The following PCYT1B variants were observed in gnomAD, a reference collection of about 807,000 sequenced individuals.
PCYT1B encodes phosphate cytidylyltransferase 1B, choline.
A neutral mutation model predicts 26.4 loss-of-function variants in PCYT1B; 10 were observed. That is an observed-to-expected ratio of 0.38 (90% CI 0.23 to 0.64). The LOEUF is 0.64. PCYT1B is among the 30% of genes least tolerant of loss of function. PCYT1B has a pLI of 0.56. For missense variants in PCYT1B, 161 were observed against 292.7 expected, an observed-to-expected ratio of 0.55 and a Z score of 3.28; for synonymous variants, 131 against 108.4, an observed-to-expected ratio of 1.21 and a Z score of -1.29.
At chrX:24,672,566 T>C (rs1345838731) in intron 1 of PCYT1B, 1 of 1,199,667 alleles carries the variant, frequency 8.3e-7, no homozygotes, top group Non-Finnish European at 1.1e-6. Context: ...AGTATTCACA[T>C]TACCTTGCGC....
intron 2 of PCYT1B, among the ~76,000 whole-genome samples, chrX:24,618,249 C>T (rs1367728057): frequency 1.8e-5 from 2 of 112,197 alleles, no homozygotes; most frequent in African/African-American, 6.5e-5. Flanking sequence ...TTAAAAAATG[C>T]ATACTTTTAA....
At chrX:24,605,240 A>G (rs765169202) in intron 3 of PCYT1B, among the ~76,000 whole-genome samples, 1 of 111,637 alleles carries the variant, frequency 9.0e-6, no homozygotes, top group East Asian at 2.8e-4. Context: ...AAGATACACA[A>G]ATCAAAAAAC....
intron 3 of PCYT1B, 44 bp downstream of exon 3, chrX:24,607,701 A>G: frequency 1.4e-6 from 1 of 696,106 alleles, no homozygotes. Flanking sequence ...CAGAAAGCAT[A>G]CAATAAAAGA....
chrX:24,647,048 T>G lies in PCYT1B; in HGVS notation c.58A>C (p.Asn20His). The part of the protein sequence containing the change: ...SETGIPKSLS[N>H]EPPSETMEEI... ...TCCATGGTTTCTGAGGGAGGCTCAT[T>G]GGAAAGGGATTTTGGGATACCTGTT... The change falls in exon 1 of 8, where the codon AAT (asparagine) becomes CAT (histidine). Residue 20 changes from asparagine to histidine, a missense_variant. Physicochemically the swap from Asn to His is moderately conservative, Grantham distance 68. Around this residue, in one of 4 missense-constraint regions of PCYT1B, gnomAD observed 51 missense variants for 51.0 expected, o/e 1.00. Transcript: ENST00000379144. 8.3e-7 allele frequency: 1 copy of G among 1,211,024 alleles called. No individual in the cohort carries two copies. Among genetic ancestry groups the G allele is most frequent in the Non-Finnish European group, 1.1e-6 (1 of 894,797 alleles).
chrX:24,600,722 GAC>G (rs1452134792), intron 3 of PCYT1B, among the ~76,000 whole-genome samples: 2 of 111,284 alleles, frequency 1.8e-5, no homozygotes, highest in African/African-American at 6.5e-5. Flanking sequence ...TCAGAAAACT[GAC>G]ACTATCTGAC....
At chrX:24,652,431 C>T (rs1208082759) in intron 1 of PCYT1B, among the ~76,000 whole-genome samples, 3 of 109,992 alleles carry the variant, frequency 2.7e-5, no homozygotes, top group Non-Finnish European at 5.7e-5. Context: ...TGTTGGTGGG[C>T]GCCTGTAATC....
At chrX:24,578,109 C>T (rs891345873) in intron 6 of PCYT1B, among the ~76,000 whole-genome samples, 1 of 111,334 alleles carries the variant, frequency 9.0e-6, no homozygotes, top group African/African-American at 3.3e-5. Context: ...CAATGATAGA[C>T]TGGATAAAGA....
chrX:24,581,042 C>G (rs1246956225), intron 5 of PCYT1B, among the ~76,000 whole-genome samples: 1 of 111,670 alleles, frequency 9.0e-6, no homozygotes, highest in Non-Finnish European at 1.9e-5. Flanking sequence ...CATCCTAAAC[C>G]AATTCAACAC....
intron 1 of PCYT1B, among the ~76,000 whole-genome samples, chrX:24,672,177 G>A (rs902814277): frequency 2.7e-5 from 3 of 112,102 alleles, no homozygotes; most frequent in African/African-American, 9.7e-5. Flanking sequence ...TAAAAGGAAT[G>A]GGTATTCTAA....
At chrX:24,571,500 TATCATCATCATCATC>T (rs59226167) in intron 7 of PCYT1B, among the ~76,000 whole-genome samples, 2 of 105,368 alleles carry the variant, frequency 1.9e-5, no homozygotes, top group Non-Finnish European at 3.9e-5. Context: ...TCTTATTTAC[TATCATCATCATCATC>T]ATCATCATCA....
intron 6 of PCYT1B, among the ~76,000 whole-genome samples, chrX:24,577,274 G>C (rs1278085262): frequency 8.9e-6 from 1 of 111,827 alleles, no homozygotes; most frequent in Non-Finnish European, 1.9e-5. Context: ...ACTGCAGCCA[G>C]GTTTGTCGTC....
chrX:24,617,367 G>GTTTTTTTTTT (rs1204801131), intron 2 of PCYT1B, among the ~76,000 whole-genome samples: 1 of 44,832 alleles, frequency 2.2e-5, no homozygotes, highest in East Asian at 8.4e-4. Flanking sequence ...AGTTTGGTTT[G>GTTTTTTTTTT]TTTGTTTTTT....
intron 4 of PCYT1B, among the ~76,000 whole-genome samples, chrX:24,587,773 C>A (rs1924419296): frequency 8.9e-6 from 1 of 112,608 alleles, no homozygotes; most frequent in Non-Finnish European, 1.9e-5. Flanking sequence ...CTCATTCGAT[C>A]CTCATAACCA....
intron 7 of PCYT1B, among the ~76,000 whole-genome samples, chrX:24,565,982 A>G (rs781392401): frequency 8.9e-6 from 1 of 111,977 alleles, no homozygotes; most frequent in South Asian, 3.7e-4. Flanking sequence ...AATGAGCTAG[A>G]AAAACTGTTC....
chrX:24,564,738 C>T (rs1321928764), intron 7 of PCYT1B, among the ~76,000 whole-genome samples: 1 of 111,375 alleles, frequency 9.0e-6, no homozygotes, highest in Non-Finnish European at 1.9e-5. Flanking sequence ...CCCAAATTCC[C>T]TCATGACCCT....
chrX:24,672,254 A>ATG (rs1927271101), intron 1 of PCYT1B, among the ~76,000 whole-genome samples: 1 of 112,518 alleles, frequency 8.9e-6, no homozygotes. Flanking sequence ...ATTTTGTTAA[A>ATG]ACATTTCTGC....
chrX:24,577,523 C>T (rs773892096), intron 6 of PCYT1B, among the ~76,000 whole-genome samples: 6 of 111,379 alleles, frequency 5.4e-5, no homozygotes, highest in African/African-American at 1.6e-4. Context: ...CCACTTGTTC[C>T]AGTGCCACTC....
intron 3 of PCYT1B, among the ~76,000 whole-genome samples, chrX:24,593,441 C>CTTTTCTTTTCTTTTCTTTTCT (rs1555958090): frequency 2.8e-4 from 16 of 56,760 alleles, no homozygotes; most frequent in South Asian, 1.1e-3. Context: ...TCCTTTCTTT[C>CTTTTCTTTTCTTTTCTTTTCT]TTTCTTTTCT....
chrX:24,587,914 C>T lies in PCYT1B; in HGVS notation c.487-595G>A, dbSNP rs185092698. Among the ~76,000 whole-genome samples, 23 of 112,558 alleles carry T rather than the reference C, an allele frequency of 2.0e-4. No homozygotes were observed. The East Asian group carries it at 5.0e-3, about 25-fold the overall frequency. ...CGCTGGGGCACCAGGCCATGTTTAG[C>T]GGGCTGCCAGGGCACCAGGCCAGGT... On this transcript the variant is annotated intron_variant, in intron 4 of 7. Transcript: ENST00000379144.
Sources: gnomAD v4.1 joint callset for allele counts (sites outside exome capture counted in the v4.1 genomes callset) on GRCh38, gnomAD v4.1.1 for gene constraint, gnomAD v4.1.1 regional missense constraint, MANE v1.5 for transcripts, NCBI Gene and HGNC (gene_info 2026-07-23, HGNC 2026-07-21) for gene names.